Variants in CCDC178 observed in about 807,000 individuals in gnomAD.
CCDC178 encodes the protein coiled-coil domain-containing protein 178.
Under a neutral mutation model 117.4 loss-of-function variants are expected in CCDC178, and 126 were observed. The observed-to-expected ratio is 1.07, with a 90% CI of 0.93 to 1.24. CCDC178 has a LOEUF of 1.24. Among genes scored for constraint, CCDC178 ranks in the 50% most tolerant of loss-of-function variants. The probability of loss-of-function intolerance (pLI) is 0.00; values close to 1 mark genes in which losing one functional copy is unlikely to be tolerated. For missense variants in CCDC178, 1,030 were observed against 986.9 expected (o/e 1.04, Z -0.59); for synonymous variants, 283 against 313.4 (o/e 0.90, Z 1.02).
chr18:33,420,617 G>A (rs1599300198), intron 2 of CCDC178, among the ~76,000 whole-genome samples: 2 of 152,012 alleles, frequency 1.3e-5, no homozygotes, highest in East Asian at 1.9e-4. Flanking sequence ...GGCCTCCCAA[G>A]GTGCTGGGAT....
chr18:32,952,771 AC>A (rs1316678187), intron 22 of CCDC178, among the ~76,000 whole-genome samples: 4 of 143,586 alleles, frequency 2.8e-5, no homozygotes, highest in Non-Finnish European at 6.1e-5. Context: ...AATTTTATAA[AC>A]TTTTTTTTTT....
chr18:33,140,646 A>C lies in CCDC178; in HGVS notation c.2239-47736T>G, dbSNP rs536860045. Among the ~76,000 whole-genome samples, 114 of 152,276 alleles carry C rather than the reference A, an allele frequency of 7.5e-4. 1 individual carries two copies. Among genetic ancestry groups the C allele is most frequent in the African/African-American group, 2.6e-3 (110 of 41,568 alleles). The stretch of plus-strand genomic sequence containing the variant: ...CAATGTCTGTACCCCCATTGTATCT[A>C]GGGAATAACTAGCTTTTGATTTTAC... On this transcript the variant is annotated intron_variant, in intron 20 of 22. Transcript: ENST00000383096.
chr18:32,983,362 G>T, intron 21 of CCDC178: 7 of 1,484,744 alleles, frequency 4.7e-6, no homozygotes, highest in African/African-American at 1.4e-5. Context: ...CCTAAGAATA[G>T]AAATATTACA....
chr18:33,032,994 C>T (rs1279093227), intron 21 of CCDC178, among the ~76,000 whole-genome samples: 1 of 151,988 alleles, frequency 6.6e-6, no homozygotes, highest in East Asian at 1.9e-4. Context: ...CACCTTTCTG[C>T]CTTAAGTACT....
chr18:33,323,681 A>T, intron 10 of CCDC178, 48 bp from the exon 11 acceptor site: 1 of 1,164,306 alleles, frequency 8.6e-7, no homozygotes. Context: ...ATGGTTAATT[A>T]AAAATAATAA....
intron 21 of CCDC178, 81 bp downstream of exon 21, chr18:33,092,680 C>T: frequency 1.1e-6 from 1 of 893,428 alleles, no homozygotes; most frequent in South Asian, 1.6e-5. Flanking sequence ...AGATCAGAGG[C>T]ACCCAAACTG....
chr18:33,181,953 A>C (rs928768284), intron 20 of CCDC178, among the ~76,000 whole-genome samples: 38 of 151,912 alleles, frequency 2.5e-4, no homozygotes, highest in Admixed American at 2.5e-3. Context: ...TAATAAGGGA[A>C]CATCATAATT....
intron 11 of CCDC178, among the ~76,000 whole-genome samples, chr18:33,295,770 T>A (rs2062098586): frequency 6.6e-6 from 1 of 152,060 alleles, no homozygotes; most frequent in Non-Finnish European, 1.5e-5. Context: ...CAGGCTGAAA[T>A]TTTTTTAAAA....
chr18:33,248,470 G>A (rs1389218689), intron 14 of CCDC178, among the ~76,000 whole-genome samples: 2 of 140,526 alleles, frequency 1.4e-5, no homozygotes, highest in Non-Finnish European at 3.0e-5. Flanking sequence ...TTCCTGTGTC[G>A]AGTGTTCTCA....
At chr18:33,412,538 G>A (rs901285167) in intron 2 of CCDC178, among the ~76,000 whole-genome samples, 1 of 152,024 alleles carries the variant, frequency 6.6e-6, no homozygotes, top group African/African-American at 2.4e-5. Context: ...AGCAAAAAGT[G>A]CAATGGATTT....
At chr18:33,438,968 T>C (rs1172218125) in intron 2 of CCDC178, among the ~76,000 whole-genome samples, 3 of 152,188 alleles carry the variant, frequency 2.0e-5, no homozygotes, top group African/African-American at 7.2e-5. Flanking sequence ...GTTTTGTGTG[T>C]AATTGTTTTC....
At chr18:33,338,740 T>C (rs1282795350) in intron 9 of CCDC178, among the ~76,000 whole-genome samples, 2 of 152,056 alleles carry the variant, frequency 1.3e-5, no homozygotes, top group Non-Finnish European at 2.9e-5. Flanking sequence ...CTTTGGGGAC[T>C]TGGAGCAAGT....
chr18:33,431,012 T>C (rs2064209161), intron 2 of CCDC178, among the ~76,000 whole-genome samples: 1 of 150,798 alleles, frequency 6.6e-6, no homozygotes, highest in Admixed American at 6.6e-5. Flanking sequence ...GAGGCGGAGC[T>C]TGCAGTGAGC....
chr18:33,349,760 G>A (rs886299448), intron 7 of CCDC178, among the ~76,000 whole-genome samples: 1 of 151,592 alleles, frequency 6.6e-6, no homozygotes, highest in Non-Finnish European at 1.5e-5. Flanking sequence ...TCTAAATTAA[G>A]AAAACTGTAT....
intron 3 of CCDC178, among the ~76,000 whole-genome samples, chr18:33,407,930 T>C (rs2063803093): frequency 6.6e-6 from 1 of 151,822 alleles, no homozygotes; most frequent in Non-Finnish European, 1.5e-5. Flanking sequence ...AATAAAACCC[T>C]CATTACCAAA....
chr18:33,179,117 T>A (rs1172222798), intron 20 of CCDC178, among the ~76,000 whole-genome samples: 17 of 93,726 alleles, frequency 1.8e-4, no homozygotes, highest in Non-Finnish European at 3.6e-4. Context: ...ATAAACTATA[T>A]ATATATATAT....
intron 21 of CCDC178, among the ~76,000 whole-genome samples, chr18:33,044,638 A>T (rs1281599089): frequency 1.3e-5 from 2 of 152,208 alleles, no homozygotes; most frequent in Non-Finnish European, 2.9e-5. Flanking sequence ...AGAACTAAAA[A>T]TAGAGCTACC....
chr18:33,071,774 T>G (rs1457541840), intron 21 of CCDC178, among the ~76,000 whole-genome samples: 3 of 152,158 alleles, frequency 2.0e-5, no homozygotes, highest in African/African-American at 7.2e-5. Context: ...TGCATTAATA[T>G]TTTGATTTAA....
chr18:33,162,622 C>T (rs1293275297), intron 20 of CCDC178, among the ~76,000 whole-genome samples: 1 of 152,086 alleles, frequency 6.6e-6, no homozygotes, highest in Non-Finnish European at 1.5e-5. Context: ...TCTGTTGTTC[C>T]TCTTTTTGTG....
Sources: gnomAD v4.1 joint callset for allele counts (sites outside exome capture counted in the v4.1 genomes callset) on GRCh38, gnomAD v4.1.1 for gene constraint, MANE v1.5 for transcripts, NCBI Gene and HGNC (gene_info 2026-07-23, HGNC 2026-07-21) for gene names.